The following ERG variants were observed in gnomAD, a reference collection of about 807,000 sequenced individuals.
ERG encodes ETS transcription factor ERG, also known as transcriptional regulator ERG.
In ERG, 9 loss-of-function variants were observed where a neutral mutation model predicts 55.3. That is an observed-to-expected ratio of 0.16 (90% CI 0.10 to 0.28). ERG has a LOEUF of 0.28. Among genes scored for constraint, ERG ranks in the 10% least tolerant of loss-of-function variants. ERG has a pLI of 1.00. For missense variants in ERG, 434 were observed against 631.6 expected, an observed-to-expected ratio of 0.69 and a Z score of 3.35; for synonymous variants, 223 against 237.3, an observed-to-expected ratio of 0.94 and a Z score of 0.55.
At position 38,381,865 on chromosome 21, in the gene ERG, G is replaced by C. The variant is rs934001777; in HGVS notation, c.*1538C>G. On this transcript the variant is annotated 3_prime_UTR_variant, in exon 10 of 10. Coordinates refer to ENST00000288319, the MANE Select transcript of ERG (RefSeq NM_182918.4). ...AGGGGAGGCAAGAAGGACCTGGAGA[G>C]GCTGACGCCATTTGGGTGCCAAACA... The C allele has an allele frequency of 4.9e-5, 52 of 1,063,784 alleles. No individual in the cohort carries two copies. Among genetic ancestry groups the C allele is most frequent in the Non-Finnish European group, 5.9e-5 (52 of 878,306 alleles). The allele number at this position is 1,063,784 out of a possible 1,614,324, so 65.9% of individuals were successfully genotyped here.
At chr21:38,389,668 C>T (rs1402491080) in intron 9 of ERG, among the ~76,000 whole-genome samples, 2 of 151,002 alleles carry the variant, frequency 1.3e-5, no homozygotes, top group African/African-American at 2.4e-5. Flanking sequence ...CAAAAAGGGC[C>T]TGTGGCTCTG....
At chr21:38,517,570 A>G (rs1216807891) in intron 2 of ERG, among the ~76,000 whole-genome samples, 1 of 152,078 alleles carries the variant, frequency 6.6e-6, no homozygotes, top group East Asian at 1.9e-4. Context: ...AAAACTAAAA[A>G]TAAGACTCAA....
At chr21:38,392,353 G>C (rs2146431165) in intron 7 of ERG, 23 bp downstream of exon 7, 1 of 1,552,182 alleles carries the variant, frequency 6.4e-7, no homozygotes, top group East Asian at 2.4e-5. Flanking sequence ...TGAAACTCAG[G>C]GTCATGGGAG....
rs980975406 is a variant in ERG at position 38,565,406 on chromosome 21, C to T, written c.-41+10256G>A. On this transcript the variant is annotated intron_variant, in intron 2 of 8. Coordinates refer to the ERG transcript ENST00000398897. Reference sequence around the variant, plus strand: ...ATGAACCTTCCAATGGTTCTCCTCCCGCAGTGTGCCAAATAAAATGGAAAT... The same window carrying T: ...ATGAACCTTCCAATGGTTCTCCTCCTGCAGTGTGCCAAATAAAATGGAAAT... Among the ~76,000 whole-genome samples the T allele has an allele frequency of 1.2e-4, 18 of 152,196 alleles. 1 individual carries two copies. The highest frequency in any genetic ancestry group is 8.5e-4 in the Admixed American group (13 of 15,278).
chr21:38,570,850 T>C (rs77673969), intron 2 of ERG, among the ~76,000 whole-genome samples: 1,892 of 152,272 alleles, frequency 0.012, 37 homozygotes, highest in African/African-American at 0.042. Flanking sequence ...ATACAGATGG[T>C]TCCCCTCTCA....
At chr21:38,552,327 C>T (rs866405832) in intron 2 of ERG, among the ~76,000 whole-genome samples, 3 of 152,216 alleles carry the variant, frequency 2.0e-5, no homozygotes, top group South Asian at 4.2e-4. Context: ...TCCTTAACCT[C>T]ATTTTATGAG....
Position 38,641,825 on chromosome 21 carries a change from G to A in ERG, c.-150+19833C>T, listed in dbSNP as rs561216318. Among the ~76,000 whole-genome samples the A allele has an allele frequency of 5.3e-4, 81 of 152,170 alleles. 2 individuals carry two copies. Among genetic ancestry groups the A allele is most frequent in the Admixed American group, 1.7e-3 (26 of 15,284 alleles). The stretch of plus-strand genomic sequence containing the variant: ...ATCACACAATTCCACTTTCAAGAGC[G>A]TATCTCAGTCTGATAAACTACAGCA... On this transcript the variant is annotated intron_variant, in intron 1 of 10. Transcript: ENST00000398910.
chr21:38,433,991 G>A (rs2836393), intron 2 of ERG, among the ~76,000 whole-genome samples: 61,625 of 151,762 alleles, frequency 0.41, 12,872 homozygotes, highest in East Asian at 0.63. Context: ...AAATGTCCCC[G>A]AACTCTTCCA....
chr21:38,511,680 A>C (rs1242810451), intron 2 of ERG, among the ~76,000 whole-genome samples: 1 of 152,248 alleles, frequency 6.6e-6, no homozygotes, highest in African/African-American at 2.4e-5. Context: ...TGTTAAAATT[A>C]ACACAAATTG....
intron 1 of ERG, among the ~76,000 whole-genome samples, chr21:38,484,631 T>C (rs1013767): frequency 3.3e-5 from 5 of 152,204 alleles, no homozygotes; most frequent in South Asian, 2.1e-4. Context: ...AACTCTCTTA[T>C]GTTTTCTCTA....
chr21:38,527,874 G>A (rs1010128007), intron 2 of ERG, among the ~76,000 whole-genome samples: 2 of 152,218 alleles, frequency 1.3e-5, no homozygotes, highest in South Asian at 2.1e-4. Context: ...ATTGTTCCGT[G>A]AGTTTGGTCT....
At chr21:38,415,895 T>C (rs1484002098) in intron 3 of ERG, among the ~76,000 whole-genome samples, 5 of 152,176 alleles carry the variant, frequency 3.3e-5, no homozygotes, top group Admixed American at 6.5e-5. Flanking sequence ...TGTCTGGCGA[T>C]TGAGAACACA....
intron 2 of ERG, among the ~76,000 whole-genome samples, chr21:38,541,793 T>C (rs544515631): frequency 7.2e-4 from 109 of 152,324 alleles, no homozygotes; most frequent in Non-Finnish European, 2.6e-4. Context: ...TCAGGATAAA[T>C]AGCTAATGCA....
upstream of ERG, among the ~76,000 whole-genome samples, chr21:38,588,496 G>C (rs1367224515): frequency 1.3e-4 from 20 of 152,136 alleles, no homozygotes; most frequent in Admixed American, 1.3e-3. Flanking sequence ...GTACCTGAAG[G>C]GTAAGCTTAA....
At position 38,615,354 on chromosome 21, in the gene ERG, G is replaced by A. The variant is rs1301741457; in HGVS notation, c.-149-30409C>T. Among the ~76,000 whole-genome samples, 5 of 152,126 alleles carry A rather than the reference G, an allele frequency of 3.3e-5. No homozygotes were observed. In the East Asian group the frequency reaches 9.6e-4, roughly 29 times the overall value. ...AATAAAATGGTTATCTGAACAAAAT[G>A]TCATGTGAACTGACTTGTCATGGAG... On this transcript the variant is annotated intron_variant, in intron 1 of 10. Transcript: ENST00000398910.
At chr21:38,416,756 A>G (rs1989299034) in intron 3 of ERG, among the ~76,000 whole-genome samples, 1 of 152,242 alleles carries the variant, frequency 6.6e-6, no homozygotes, top group African/African-American at 2.4e-5. Flanking sequence ...AGGAGTGATT[A>G]ATTTGCCAGA....
chr21:38,629,823 A>G (rs2060346649), intron 1 of ERG, among the ~76,000 whole-genome samples: 2 of 152,376 alleles, frequency 1.3e-5, no homozygotes, highest in Admixed American at 1.3e-4. Flanking sequence ...AACAGTATTA[A>G]TCACAATAAA....
At chr21:38,387,076 G>A (rs1249510456) in intron 9 of ERG, among the ~76,000 whole-genome samples, 2 of 150,564 alleles carry the variant, frequency 1.3e-5, no homozygotes, top group Non-Finnish European at 3.0e-5. Context: ...AAAAAAGGGG[G>A]AAAAAAAAAC....
intron 1 of ERG, among the ~76,000 whole-genome samples, chr21:38,476,637 G>A (rs1466197608): frequency 6.6e-6 from 1 of 152,170 alleles, no homozygotes; most frequent in Non-Finnish European, 1.5e-5. Context: ...TTAAACTGGA[G>A]AGCAATTAAC....
Sources: gnomAD v4.1 joint callset for allele counts (sites outside exome capture counted in the v4.1 genomes callset) on GRCh38, gnomAD v4.1.1 for gene constraint, MANE v1.5 for transcripts, NCBI Gene and HGNC (gene_info 2026-07-23, HGNC 2026-07-21) for gene names.